Variants in ASCC3 observed in about 807,000 individuals in gnomAD.
ASCC3 encodes ASC-1 complex subunit P200.
In ASCC3, 158 loss-of-function variants were observed where a neutral mutation model predicts 256.3. The observed-to-expected ratio is 0.62, with a 90% confidence interval of 0.54 to 0.70. The LOEUF is 0.70. Among genes scored for constraint, ASCC3 ranks in the 30% least tolerant of loss-of-function variants. The probability of loss-of-function intolerance (pLI) is 0.00; values close to 1 mark genes in which losing one functional copy is unlikely to be tolerated. For missense variants in ASCC3, 2,259 were observed against 2,626.0 expected, an observed-to-expected ratio of 0.86 and a Z score of 3.05; for synonymous variants, 948 against 883.4, an observed-to-expected ratio of 1.07 and a Z score of -1.30.
chr6:100,760,015 C>CTTTTT (rs1183198026), intron 10 of ASCC3, among the ~76,000 whole-genome samples: 1 of 152,096 alleles, frequency 6.6e-6, no homozygotes, highest in East Asian at 1.9e-4. Flanking sequence ...TATCCTGAGA[C>CTTTTT]TTTGCCCAAG....
chr6:100,596,803 T>C (rs1403323906), intron 34 of ASCC3, among the ~76,000 whole-genome samples: 4 of 152,176 alleles, frequency 2.6e-5, no homozygotes, highest in African/African-American at 4.8e-5. Flanking sequence ...ATCTGTCCCC[T>C]GCTCAAAACT....
At chr6:100,850,118 AAAG>A (rs1163990642) in intron 3 of ASCC3, among the ~76,000 whole-genome samples, 98 of 150,810 alleles carry the variant, frequency 6.5e-4, no homozygotes, top group African/African-American at 2.2e-3. Flanking sequence ...AAAAAAAAAA[AAAG>A]AAGGAAACAT....
chr6:100,684,377 G>A (rs893735289), intron 13 of ASCC3, among the ~76,000 whole-genome samples: 1 of 152,102 alleles, frequency 6.6e-6, no homozygotes, highest in Non-Finnish European at 1.5e-5. Context: ...CACCTGGCAG[G>A]CTTGTTAAAA....
At chr6:100,645,321 T>C (rs1365423870) in intron 22 of ASCC3, among the ~76,000 whole-genome samples, 1 of 151,884 alleles carries the variant, frequency 6.6e-6, no homozygotes, top group Non-Finnish European at 1.5e-5. Context: ...TTTTGTATCA[T>C]CTAGTCCCAA....
At chr6:100,739,523 C>T (rs62420606) in intron 10 of ASCC3, among the ~76,000 whole-genome samples, 1 of 152,084 alleles carries the variant, frequency 6.6e-6, no homozygotes, top group African/African-American at 2.4e-5. Flanking sequence ...GGTATCAGCT[C>T]TTTGTACCTC....
chr6:100,603,256 A>T (rs917183539), intron 33 of ASCC3, among the ~76,000 whole-genome samples: 3 of 152,142 alleles, frequency 2.0e-5, no homozygotes, highest in Non-Finnish European at 4.4e-5. Flanking sequence ...AAATTTAGTT[A>T]ACTTTTTATC....
chr6:100,840,889 T>G (rs1406506326), intron 4 of ASCC3, among the ~76,000 whole-genome samples: 1 of 151,922 alleles, frequency 6.6e-6, no homozygotes, highest in Non-Finnish European at 1.5e-5. Context: ...GAAAACGAGT[T>G]GTATAAAGAA....
intron 23 of ASCC3, 76 bp downstream of exon 23, chr6:100,643,955 G>T (rs866648342): frequency 1.0e-6 from 1 of 986,418 alleles, no homozygotes. Context: ...AAATTACAGA[G>T]AAATAAAAGC....
chr6:100,615,885 C>A (rs1184343075), intron 30 of ASCC3, among the ~76,000 whole-genome samples: 1 of 152,148 alleles, frequency 6.6e-6, no homozygotes, highest in Admixed American at 6.5e-5. Context: ...AGTTTATTTA[C>A]TGGTCAGTCA....
rs1041382848 is a variant in ASCC3 at position 100,774,208 on chromosome 6, A to C, written c.1396-6863T>G. ...CGTCTTGCTCTGTTGCCCAGGCTGA[A>C]GCGCAGTGGAGCAATCATAGCTCAC... On this transcript the variant is annotated intron_variant, in intron 8 of 41. Transcript: ENST00000369162. Among the ~76,000 whole-genome samples, 13 of 152,314 alleles carry C rather than the reference A, an allele frequency of 8.5e-5. No individual in the cohort carries two copies. In the East Asian group the frequency reaches 2.3e-3, roughly 27 times the overall value.
intron 36 of ASCC3, among the ~76,000 whole-genome samples, chr6:100,584,683 G>A (rs1771542942): frequency 6.6e-6 from 1 of 151,914 alleles, no homozygotes; most frequent in South Asian, 2.1e-4. Context: ...TAGTCTCGAT[G>A]GTCTTTAGAT....
At chr6:100,652,574 C>G in intron 18 of ASCC3, 151 bp downstream of exon 18, 1 of 805,142 alleles carries the variant, frequency 1.2e-6, no homozygotes. Context: ...TTATTTTTTT[C>G]TTGTCTTTAC....
chr6:100,865,154 T>C (rs1022711536), intron 2 of ASCC3, among the ~76,000 whole-genome samples: 1 of 152,200 alleles, frequency 6.6e-6, no homozygotes, highest in African/African-American at 2.4e-5. Context: ...AGATTGGCCA[T>C]AAAATGAATT....
At chr6:100,559,937 A>G (rs1769836643) in intron 36 of ASCC3, among the ~76,000 whole-genome samples, 1 of 152,204 alleles carries the variant, frequency 6.6e-6, no homozygotes, top group Admixed American at 6.5e-5. Context: ...AAAAAGATAA[A>G]CATATTGATA....
At chr6:100,806,697 T>A (rs1770201000) in intron 4 of ASCC3, among the ~76,000 whole-genome samples, 1 of 152,008 alleles carries the variant, frequency 6.6e-6, no homozygotes, top group East Asian at 1.9e-4. Flanking sequence ...AATAAAAATT[T>A]ACTTTGTGTA....
intron 30 of ASCC3, among the ~76,000 whole-genome samples, chr6:100,611,405 T>C (rs1488546047): frequency 6.6e-6 from 1 of 152,052 alleles, no homozygotes; most frequent in East Asian, 1.9e-4. Context: ...TACATCTTTG[T>C]TACTGTACTT....
At chr6:100,599,363 T>A (rs1772473973) in intron 34 of ASCC3, among the ~76,000 whole-genome samples, 1 of 152,102 alleles carries the variant, frequency 6.6e-6, no homozygotes, top group Non-Finnish European at 1.5e-5. Context: ...CCAGTTCTCT[T>A]CAGAAATGTC....
chr6:100,754,558 T>C (rs1781085213), intron 10 of ASCC3, among the ~76,000 whole-genome samples: 1 of 152,188 alleles, frequency 6.6e-6, no homozygotes, highest in Non-Finnish European at 1.5e-5. Flanking sequence ...TAGTAGGTCT[T>C]ATTCATTGTA....
At chr6:100,746,512 C>T (rs1160600693) in intron 10 of ASCC3, among the ~76,000 whole-genome samples, 1 of 152,174 alleles carries the variant, frequency 6.6e-6, no homozygotes, top group African/African-American at 2.4e-5. Flanking sequence ...CTTCAGATTC[C>T]TTTCACTCAC....
Sources: gnomAD v4.1 joint callset for allele counts (sites outside exome capture counted in the v4.1 genomes callset) on GRCh38, gnomAD v4.1.1 for gene constraint, MANE v1.5 for transcripts, NCBI Gene and HGNC (gene_info 2026-07-23, HGNC 2026-07-21) for gene names.